OSBPL9: variants seen among roughly 807,000 people sequenced by gnomAD.
The protein encoded by OSBPL9 is oxysterol-binding protein-related protein 9.
OSBPL9 carries 40 observed loss-of-function variants against 106.6 expected under a neutral mutation model. The observed-to-expected ratio is 0.38, with a 90% CI of 0.29 to 0.49. The LOEUF (loss-of-function observed/expected upper bound fraction) is 0.49. Ranked by LOEUF, OSBPL9 falls within the 20% of genes least tolerant of loss-of-function variation. OSBPL9 has a pLI of 0.97. For missense variants in OSBPL9, 609 were observed against 887.2 expected, an observed-to-expected ratio of 0.69 and a Z score of 3.98; for synonymous variants, 269 against 295.4, an observed-to-expected ratio of 0.91 and a Z score of 0.92.
At chr1:51,531,361 G>A in the OSBPL9 span, among the ~76,000 whole-genome samples, 4 of 152,176 alleles carry the variant, frequency 2.6e-5, no homozygotes, top group African/African-American at 9.7e-5. Context: ...AACAAGGGCA[G>A]AAACTGGTAA....
chr1:51,654,217 G>A (rs1646688170), intron 2 of OSBPL9, among the ~76,000 whole-genome samples: 1 of 152,140 alleles, frequency 6.6e-6, no homozygotes, highest in South Asian at 2.1e-4. Flanking sequence ...TGTTCTTTTA[G>A]CAGGAAGAAC....
chr1:51,556,883 A>G, the OSBPL9 span, among the ~76,000 whole-genome samples: 2 of 150,846 alleles, frequency 1.3e-5, no homozygotes, highest in Non-Finnish European at 3.0e-5. Context: ...AATGAATAAG[A>G]TCTAGTATTT....
At chr1:51,728,164 C>G (rs191050914) in intron 4 of OSBPL9, among the ~76,000 whole-genome samples, 56 of 152,288 alleles carry the variant, frequency 3.7e-4, no homozygotes, top group Non-Finnish European at 1.8e-4. Flanking sequence ...AAGGCTAAAC[C>G]TTGTCAGCCA....
chr1:51,657,034 A>G (rs1036801663), intron 2 of OSBPL9, among the ~76,000 whole-genome samples: 3 of 152,150 alleles, frequency 2.0e-5, no homozygotes, highest in South Asian at 4.1e-4. Context: ...ATTGTATTAC[A>G]TGTTAATTTT....
At chr1:51,530,097 G>C in the OSBPL9 span, among the ~76,000 whole-genome samples, 1 of 145,852 alleles carries the variant, frequency 6.9e-6, no homozygotes, top group Non-Finnish European at 1.5e-5. Flanking sequence ...CATGAACCTG[G>C]GAGGCGGAGC....
chr1:51,566,986 G>A, the OSBPL9 span, among the ~76,000 whole-genome samples: 1 of 152,154 alleles, frequency 6.6e-6, no homozygotes, highest in Non-Finnish European at 1.5e-5. Context: ...GACTCCTGTG[G>A]GCTTTTCTAG....
intron 3 of OSBPL9, among the ~76,000 whole-genome samples, chr1:51,681,153 A>G (rs963177344): frequency 6.6e-6 from 1 of 152,162 alleles, no homozygotes; most frequent in African/African-American, 2.4e-5. Flanking sequence ...TTTGGAATAC[A>G]TTGCTTGGTA....
intron 3 of OSBPL9, 198 bp downstream of exon 3, chr1:51,669,710 G>A (rs1054892746): frequency 1.8e-5 from 12 of 669,860 alleles, no homozygotes; most frequent in South Asian, 3.0e-5. Context: ...GATTTGAAAC[G>A]ACTGTGGATC....
intron 3 of OSBPL9, among the ~76,000 whole-genome samples, chr1:51,676,967 T>A (rs116161922): frequency 1.8e-3 from 274 of 152,362 alleles, no homozygotes; most frequent in African/African-American, 6.0e-3. Flanking sequence ...CACTGTACAT[T>A]ACTTACATAA....
chr1:51,761,260 T>G (rs557464205), intron 10 of OSBPL9, among the ~76,000 whole-genome samples: 34 of 152,106 alleles, frequency 2.2e-4, no homozygotes, highest in Admixed American at 9.2e-4. Context: ...GTTTTGTTTT[T>G]TTTTTTTTTG....
intron 3 of OSBPL9, among the ~76,000 whole-genome samples, chr1:51,697,911 C>A (rs1483141188): frequency 6.6e-6 from 1 of 151,368 alleles, no homozygotes; most frequent in Non-Finnish European, 1.5e-5. Context: ...TTTTCTCTGG[C>A]AAATTGTTCT....
intron 3 of OSBPL9, among the ~76,000 whole-genome samples, chr1:51,712,195 G>C (rs866427026): frequency 6.6e-6 from 1 of 152,216 alleles, no homozygotes; most frequent in East Asian, 1.9e-4. Context: ...CGGATCACTC[G>C]CGGTTAGGGG....
chr1:51,540,687 T>C, the OSBPL9 span, among the ~76,000 whole-genome samples: 1,047 of 116,174 alleles, frequency 9.0e-3, 12 homozygotes, highest in African/African-American at 0.033. Flanking sequence ...TGGCCAGGTG[T>C]GGTGGCTCAC....
At chr1:51,697,206 A>G (rs1000444734) in intron 3 of OSBPL9, among the ~76,000 whole-genome samples, 1 of 148,392 alleles carries the variant, frequency 6.7e-6, no homozygotes, top group East Asian at 1.9e-4. Context: ...AAGCGTGAAG[A>G]TAATACCTCA....
chr1:51,712,679 A>T (rs552662724), intron 3 of OSBPL9, among the ~76,000 whole-genome samples: 6 of 152,220 alleles, frequency 3.9e-5, no homozygotes, highest in Non-Finnish European at 8.8e-5. Context: ...TATGTCATTT[A>T]TGCAATAATC....
chr1:51,758,848 A>C (rs145911046), intron 9 of OSBPL9, among the ~76,000 whole-genome samples: 2 of 152,136 alleles, frequency 1.3e-5, no homozygotes, highest in African/African-American at 4.8e-5. Context: ...TAAACAAGGA[A>C]TTTATTTTAA....
chr1:51,580,242 C>T (rs374143456), intron 1 of OSBPL9, among the ~76,000 whole-genome samples: 33 of 152,272 alleles, frequency 2.2e-4, no homozygotes, highest in African/African-American at 7.7e-4. Flanking sequence ...GCCTTTCCAC[C>T]GATTTCTGTA....
chr1:51,723,547 C>T (rs928416718), intron 4 of OSBPL9, among the ~76,000 whole-genome samples: 1 of 151,682 alleles, frequency 6.6e-6, no homozygotes, highest in Non-Finnish European at 1.5e-5. Flanking sequence ...TTTCCTCTTT[C>T]TTCTTCCTTT....
intron 2 of OSBPL9, among the ~76,000 whole-genome samples, chr1:51,660,160 T>C (rs1364266127): frequency 6.6e-6 from 1 of 152,096 alleles, no homozygotes; most frequent in Non-Finnish European, 1.5e-5. Context: ...CTTTACCCCA[T>C]GTGATACACA....
Sources: allele counts gnomAD v4.1 joint callset (sites outside exome capture counted in the v4.1 genomes callset), GRCh38; gene constraint gnomAD v4.1.1; transcripts MANE v1.5; gene names NCBI Gene and HGNC (gene_info 2026-07-23, HGNC 2026-07-21).